Variants in PDE4D observed in about 807,000 individuals in gnomAD.
PDE4D encodes the protein 3',5'-cyclic-AMP phosphodiesterase 4D.
PDE4D carries 24 observed loss-of-function variants against 87.4 expected under a neutral mutation model. The observed-to-expected ratio is 0.27, with a 90% CI of 0.20 to 0.39. The LOEUF is 0.39. Ranked by LOEUF, PDE4D falls within the 10% of genes least tolerant of loss-of-function variation. The pLI is 1.00. For synonymous variants in PDE4D, 384 were observed against 383.2 expected (o/e 1.00, Z -0.02); for missense variants, 714 against 1,041.0 (o/e 0.69, Z 4.32).
At chr5:59,754,423 T>C (rs552813947) in intron 1 of PDE4D, among the ~76,000 whole-genome samples, 59 of 152,248 alleles carry the variant, frequency 3.9e-4, no homozygotes, top group African/African-American at 1.3e-3. Flanking sequence ...ATCAGACCTA[T>C]TGTGGGTGCA....
At chr5:59,786,731 G>A (rs367815215) in intron 1 of PDE4D, among the ~76,000 whole-genome samples, 2 of 152,196 alleles carry the variant, frequency 1.3e-5, no homozygotes, top group Non-Finnish European at 1.5e-5. Context: ...AGCCTCAGGC[G>A]TTCTCTTGAC....
chr5:59,755,048 G>A (rs565675192), intron 1 of PDE4D, among the ~76,000 whole-genome samples: 1 of 152,042 alleles, frequency 6.6e-6, no homozygotes, highest in Non-Finnish European at 1.5e-5. Context: ...GTTTGAGGTT[G>A]TACAAAGATG....
chr5:60,117,214 T>A (rs1304874104), intron 2 of PDE4D, among the ~76,000 whole-genome samples: 1 of 152,114 alleles, frequency 6.6e-6, no homozygotes, highest in Non-Finnish European at 1.5e-5. Flanking sequence ...AACAAAGGAA[T>A]GGTTCTAGTA....
intron 6 of PDE4D, among the ~76,000 whole-genome samples, chr5:59,015,669 G>A (rs1161693474): frequency 1.3e-4 from 20 of 152,206 alleles, no homozygotes; most frequent in Non-Finnish European, 1.5e-5. Flanking sequence ...CTTTTACACT[G>A]TTGGTGGGAC....
chr5:59,175,471 C>CT lies in PDE4D; in HGVS notation c.808+5123dup, dbSNP rs563138575. ...TTCGGAACTCTATCCATTTTTCTTTCTTTTTTTTTTTTTTTTTTTTTTTTT... is the reference window on the plus strand; with the variant it reads ...TTCGGAACTCTATCCATTTTTCTTTCTTTTTTTTTTTTTTTTTTTTTTTTTT... On this transcript the variant is annotated intron_variant, in intron 5 of 14. Coordinates refer to ENST00000340635, the MANE Select transcript of PDE4D (RefSeq NM_001104631.2). Among the ~76,000 whole-genome samples the CT allele has an allele frequency of 8.6e-3, 781 of 91,188 alleles. 51 individuals are homozygous for CT. The highest frequency in any genetic ancestry group is 0.019 in the Middle Eastern group (2 of 104). The allele number at this position is 91,188 out of a possible 152,430, so 59.8% of individuals were successfully genotyped here.
intron 1 of PDE4D, among the ~76,000 whole-genome samples, chr5:59,794,685 T>C (rs764081270): frequency 3.3e-5 from 5 of 152,212 alleles, no homozygotes; most frequent in Middle Eastern, 3.4e-3. Flanking sequence ...GAAAATATAA[T>C]AAAACAAACA....
chr5:60,211,760 A>T (rs1417841461), intron 1 of PDE4D, among the ~76,000 whole-genome samples: 6 of 151,876 alleles, frequency 4.0e-5, no homozygotes, highest in Non-Finnish European at 8.8e-5. Context: ...CCCTACCCCT[A>T]CCCTCATTTT....
At chr5:59,197,627 C>T (rs1419521113) in intron 2 of PDE4D, among the ~76,000 whole-genome samples, 2 of 152,110 alleles carry the variant, frequency 1.3e-5, no homozygotes, top group Non-Finnish European at 2.9e-5. Flanking sequence ...GCAAGTAAAA[C>T]CTATTTTTAT....
chr5:60,107,036 CA>C (rs1355452381), intron 2 of PDE4D, among the ~76,000 whole-genome samples: 1 of 151,830 alleles, frequency 6.6e-6, no homozygotes, highest in Non-Finnish European at 1.5e-5. Flanking sequence ...AATAGAGACA[CA>C]AAAAACCCTT....
At chr5:60,327,570 A>G (rs879445303) in intron 1 of PDE4D, among the ~76,000 whole-genome samples, 16 of 152,236 alleles carry the variant, frequency 1.1e-4, no homozygotes, top group Non-Finnish European at 2.2e-4. Context: ...ATTAAATAAC[A>G]GAACATATGC....
chr5:59,324,406 C>G (rs1775281137), intron 1 of PDE4D, among the ~76,000 whole-genome samples: 1 of 152,136 alleles, frequency 6.6e-6, no homozygotes, highest in Admixed American at 6.6e-5. Flanking sequence ...TGAGGGAAAC[C>G]TGATTGTCTC....
chr5:59,003,312 T>TCC (rs1750916946), intron 6 of PDE4D, among the ~76,000 whole-genome samples: 1 of 152,182 alleles, frequency 6.6e-6, no homozygotes, highest in African/African-American at 2.4e-5. Flanking sequence ...GCTGCTCTAT[T>TCC]ACATTTGCTC....
chr5:60,256,794 T>G (rs1023112386), intron 1 of PDE4D, among the ~76,000 whole-genome samples: 1 of 151,908 alleles, frequency 6.6e-6, no homozygotes, highest in African/African-American at 2.4e-5. Context: ...CAAACAAGAA[T>G]GGGTTTGCTT....
At chr5:59,329,576 T>A (rs1776339886) in intron 1 of PDE4D, among the ~76,000 whole-genome samples, 1 of 152,172 alleles carries the variant, frequency 6.6e-6, no homozygotes, top group Non-Finnish European at 1.5e-5. Context: ...TGTCTAAAGG[T>A]CATGATTTGG....
chr5:59,334,528 G>A (rs181089875), intron 1 of PDE4D, among the ~76,000 whole-genome samples: 1 of 152,048 alleles, frequency 6.6e-6, no homozygotes, highest in Admixed American at 6.5e-5. Flanking sequence ...AAAGTGCTAG[G>A]ATTACAGGTG....
At chr5:59,518,172 T>C (rs1582949414) in intron 1 of PDE4D, among the ~76,000 whole-genome samples, 1 of 145,746 alleles carries the variant, frequency 6.9e-6, no homozygotes. Context: ...TGAATAAGTA[T>C]ATATGTATGT....
intron 1 of PDE4D, among the ~76,000 whole-genome samples, chr5:59,776,695 A>C (rs1764111195): frequency 6.6e-6 from 1 of 152,192 alleles, no homozygotes; most frequent in African/African-American, 2.4e-5. Flanking sequence ...TAAAATAGTG[A>C]AACTACACAG....
chr5:60,430,006 T>C (rs1004621474), intron 1 of PDE4D: 1 of 521,202 alleles, frequency 1.9e-6, no homozygotes, highest in Non-Finnish European at 3.8e-6. Flanking sequence ...TTCATTACAT[T>C]TTCTGGACAA....
chr5:60,519,356 G>GAACA (rs994767643), intron 1 of PDE4D, among the ~76,000 whole-genome samples: 20 of 152,140 alleles, frequency 1.3e-4, no homozygotes, highest in African/African-American at 4.8e-4. Context: ...AAAAATTTAA[G>GAACA]AACAAAAAGG....
Sources: gnomAD v4.1 joint callset for allele counts (sites outside exome capture counted in the v4.1 genomes callset) on GRCh38, gnomAD v4.1.1 for gene constraint, MANE v1.5 for transcripts, NCBI Gene and HGNC (gene_info 2026-07-23, HGNC 2026-07-21) for gene names.